HPCAL1: variants seen among roughly 807,000 people sequenced by gnomAD.
HPCAL1 encodes hippocalcin like 1.
A neutral mutation model predicts 17.1 loss-of-function variants in HPCAL1; 8 were observed. The ratio of observed to expected loss-of-function variants is 0.47; its 90% confidence interval spans 0.27 to 0.84. The LOEUF (loss-of-function observed/expected upper bound fraction) is 0.84, where lower values mean the gene tolerates loss of function less well. HPCAL1 is among the 40% of genes least tolerant of loss of function. The probability of loss-of-function intolerance (pLI) is 0.13; values close to 1 mark genes in which losing one functional copy is unlikely to be tolerated. For synonymous variants in HPCAL1, 112 were observed against 111.4 expected, an observed-to-expected ratio of 1.01 and a Z score of -0.03; for missense variants, 165 against 271.1, an observed-to-expected ratio of 0.61 and a Z score of 2.75.
chr2:10,364,933 C>T (rs538072847), intron 1 of HPCAL1, among the ~76,000 whole-genome samples: 1 of 152,200 alleles, frequency 6.6e-6, no homozygotes, highest in Non-Finnish European at 1.5e-5. Context: ...GGTAGGGGGA[C>T]CAAGCCCTCC....
chr2:10,317,627 A>T (rs1185621533), intron 1 of HPCAL1, among the ~76,000 whole-genome samples: 4 of 152,210 alleles, frequency 2.6e-5, no homozygotes, highest in African/African-American at 9.7e-5. Context: ...CAGGTTGGCT[A>T]GGCTAGTCTC....
At chr2:10,329,344 A>G (rs1441091107) in intron 1 of HPCAL1, among the ~76,000 whole-genome samples, 1 of 152,216 alleles carries the variant, frequency 6.6e-6, no homozygotes, top group East Asian at 1.9e-4. Context: ...ATCCTGGATT[A>G]CCAGGGTGTA....
At position 10,415,646 on chromosome 2, in the gene HPCAL1, A is replaced by G. The variant is rs1226916240; in HGVS notation, c.-24-4088A>G. On this transcript the variant is annotated intron_variant, in intron 2 of 4. Transcript: ENST00000307845. Reference sequence around the variant, plus strand: ...AGCTTCCGCATGGTGAAGGAGCCACATGCGGTTTGGTCGGGTGCCCCAGGC... The same window carrying G: ...AGCTTCCGCATGGTGAAGGAGCCACGTGCGGTTTGGTCGGGTGCCCCAGGC... Among the ~76,000 whole-genome samples, 4 of 151,600 alleles carry G rather than the reference A, an allele frequency of 2.6e-5. No individual in the cohort carries two copies. In the South Asian group the frequency reaches 6.3e-4, roughly 24 times the overall value.
At chr2:10,340,756 C>T (rs1242495871) in intron 1 of HPCAL1, among the ~76,000 whole-genome samples, 3 of 152,204 alleles carry the variant, frequency 2.0e-5, no homozygotes, top group Non-Finnish European at 2.9e-5. Context: ...CTCCAGGCTG[C>T]AGGGCCCCGC....
chr2:10,303,214 A>G (rs62128554), intron 1 of HPCAL1, 37 bp downstream of exon 1: 107,161 of 151,980 alleles, frequency 0.71, 38,173 homozygotes, highest in African/African-American at 0.79. Flanking sequence ...CTGGCTGCTG[A>G]AGTGTGCCCC....
chr2:10,350,907 A>T (rs1487130043), intron 1 of HPCAL1, among the ~76,000 whole-genome samples: 1 of 152,220 alleles, frequency 6.6e-6, no homozygotes, highest in African/African-American at 2.4e-5. Context: ...AGAATCAAAA[A>T]GTCCTATAAA....
intron 1 of HPCAL1, among the ~76,000 whole-genome samples, chr2:10,337,486 C>A (rs1467132538): frequency 1.3e-5 from 2 of 152,192 alleles, no homozygotes; most frequent in Non-Finnish European, 2.9e-5. Context: ...CGGTTGCCCA[C>A]CGTGACTATA....
At chr2:10,407,874 C>T (rs548299524) in intron 2 of HPCAL1, among the ~76,000 whole-genome samples, 12 of 152,292 alleles carry the variant, frequency 7.9e-5, no homozygotes, top group Non-Finnish European at 1.3e-4. Flanking sequence ...AAAGAAGTGA[C>T]GCGTTCAAAG....
At chr2:10,376,593 A>G (rs929207312) in intron 1 of HPCAL1, among the ~76,000 whole-genome samples, 2 of 151,806 alleles carry the variant, frequency 1.3e-5, no homozygotes, top group African/African-American at 4.8e-5. Context: ...GCATCACCAC[A>G]CCTGGTTAAT....
chr2:10,424,216 G>A (rs1250459638), intron 4 of HPCAL1: 1 of 324,408 alleles, frequency 3.1e-6, no homozygotes, highest in Non-Finnish European at 6.2e-6. Context: ...GGCCCCAGCG[G>A]GAGACGGGAT....
At chr2:10,311,402 G>C (rs967982901) in intron 1 of HPCAL1, among the ~76,000 whole-genome samples, 9 of 152,156 alleles carry the variant, frequency 5.9e-5, no homozygotes, top group African/African-American at 2.2e-4. Context: ...AATGCTGGCA[G>C]GTACAATTTA....
At chr2:10,417,586 G>C (rs1177715416) in intron 2 of HPCAL1, among the ~76,000 whole-genome samples, 1 of 152,128 alleles carries the variant, frequency 6.6e-6, no homozygotes, top group Non-Finnish European at 1.5e-5. Flanking sequence ...TTATGAGTAC[G>C]TAAGATGGGC....
chr2:10,390,915 A>C (rs1668647779), intron 1 of HPCAL1, among the ~76,000 whole-genome samples: 1 of 152,218 alleles, frequency 6.6e-6, no homozygotes, highest in African/African-American at 2.4e-5. Context: ...CCTCCAGTCT[A>C]AACTCCTTAG....
chr2:10,407,712 G>A (rs1323470465), intron 2 of HPCAL1, among the ~76,000 whole-genome samples: 1 of 152,210 alleles, frequency 6.6e-6, no homozygotes, highest in African/African-American at 2.4e-5. Context: ...AGTGAGCCTT[G>A]CAGACACTGA....
Position 10,420,005 on chromosome 2 carries a change from G to A in HPCAL1, c.248G>A (p.Arg83Gln), listed in dbSNP as rs1670938926. Residue 83 changes from arginine to glutamine, a missense_variant, in exon 3 of 5, where the codon CGG becomes CAG. Transcript: ENST00000307845. ...AACGGCGACGGCACCATCGACTTCC[G>A]GGAGTTCATCATTGCGCTGAGCGTG... ...DTNGDGTIDF[R>Q]EFIIALSVTS... is the part of the protein sequence containing the mutation. 1 of 1,613,852 alleles carries A rather than the reference G, an allele frequency of 6.2e-7. No homozygotes were observed. Among genetic ancestry groups the A allele is most frequent in the African/African-American group, 1.3e-5 (1 of 74,914 alleles).
intron 1 of HPCAL1, among the ~76,000 whole-genome samples, chr2:10,373,252 G>A (rs1212791837): frequency 2.0e-5 from 3 of 152,218 alleles, no homozygotes; most frequent in Non-Finnish European, 4.4e-5. Context: ...ACTCAGAGGC[G>A]AGGGAGGTGG....
rs1437323140 is a variant in HPCAL1 at position 10,345,497 on chromosome 2, C to T, written c.-111+42320C>T. On this transcript the variant is annotated intron_variant, in intron 1 of 4. Coordinates refer to ENST00000307845, the MANE Select transcript of HPCAL1 (RefSeq NM_002149.4). ...TTTTTTTGAGACAGGGTCTTGCTGT[C>T]ACCCAGGCTGGAGTGGTGGCACAAT... Among the ~76,000 whole-genome samples, 6 of 146,802 alleles carry T rather than the reference C, an allele frequency of 4.1e-5. No homozygotes were observed. In the East Asian group the frequency reaches 9.9e-4, roughly 24 times the overall value.
At chr2:10,423,675 T>C (rs961158955) in intron 4 of HPCAL1, 2 of 153,776 alleles carry the variant, frequency 1.3e-5, no homozygotes, top group East Asian at 1.9e-4. Context: ...CTCCTCTGCA[T>C]TGGCTGTGAG....
rs74788963 is a variant in HPCAL1, at chr2:10,331,698, G to C, written c.-111+28521G>C. 0.14 allele frequency among the ~76,000 whole-genome samples: 22,040 copies of C among 152,112 alleles called. 1,681 individuals carry two copies. The highest frequency in any genetic ancestry group is 0.24 in the South Asian group (1,144 of 4,820). On this transcript the variant is annotated intron_variant, in intron 1 of 4. Coordinates refer to ENST00000307845, the MANE Select transcript of HPCAL1 (RefSeq NM_002149.4). The surrounding 1 kb of genome is among the most constrained non-coding windows in gnomAD (Gnocchi z 5.0). ...GTCAGAGGCATCTGTCTCTTCCCCC[G>C]CATGCATCTTTCTCCCCGTCTGGCA...
Sources: allele counts gnomAD v4.1 joint callset (sites outside exome capture counted in the v4.1 genomes callset), GRCh38; gene constraint gnomAD v4.1.1; non-coding constraint Gnocchi (gnomAD v3.1); transcripts MANE v1.5; gene names NCBI Gene and HGNC (gene_info 2026-07-23, HGNC 2026-07-21).